The following RBFOX1 variants were observed in gnomAD, a reference collection of about 807,000 sequenced individuals.
RBFOX1 encodes the protein RNA binding protein fox-1 homolog 1.
In RBFOX1, 8 loss-of-function variants were observed where a neutral mutation model predicts 57.7. The observed-to-expected ratio is 0.14, with a 90% CI of 0.08 to 0.25. The LOEUF is 0.25. Among genes scored for constraint, RBFOX1 ranks in the 10% least tolerant of loss-of-function variants. The pLI is 1.00. For synonymous variants in RBFOX1, 326 were observed against 222.4 expected (o/e 1.47, Z -4.15); for missense variants, 611 against 548.5 (o/e 1.11, Z -1.14).
At chr16:6,838,140 C>T (rs1248123549) in intron 3 of RBFOX1, among the ~76,000 whole-genome samples, 3 of 152,060 alleles carry the variant, frequency 2.0e-5, no homozygotes, top group African/African-American at 7.2e-5. Context: ...TAAAGCCCCA[C>T]ATGCATTAAG....
At chr16:5,519,410 C>G (rs1200345037) in intron 2 of RBFOX1, among the ~76,000 whole-genome samples, 1 of 152,162 alleles carries the variant, frequency 6.6e-6, no homozygotes, top group African/African-American at 2.4e-5. Flanking sequence ...GGCAGATATG[C>G]TCACCCATAC....
intron 4 of RBFOX1, among the ~76,000 whole-genome samples, chr16:7,256,286 A>C (rs184517185): frequency 1.2e-4 from 19 of 152,152 alleles, no homozygotes; most frequent in Admixed American, 1.0e-3. Flanking sequence ...TGATGAGGGG[A>C]GAGGTTAAGC....
At chr16:5,253,708 T>C (rs2062513810) in intron 1 of RBFOX1, among the ~76,000 whole-genome samples, 1 of 152,212 alleles carries the variant, frequency 6.6e-6, no homozygotes, top group South Asian at 2.1e-4. Flanking sequence ...TTCTTGCAAG[T>C]CCTGTATGAG....
chr16:6,445,453 G>A (rs1357207128), intron 2 of RBFOX1, among the ~76,000 whole-genome samples: 2 of 151,796 alleles, frequency 1.3e-5, no homozygotes, highest in African/African-American at 4.9e-5. Context: ...AATGTGGTGT[G>A]GTTTAACTCA....
At chr16:7,112,166 C>G (rs1478690782) in intron 4 of RBFOX1, among the ~76,000 whole-genome samples, 1 of 152,128 alleles carries the variant, frequency 6.6e-6, no homozygotes, top group African/African-American at 2.4e-5. Context: ...CAGAATCATA[C>G]AAACTTTGTT....
intron 1 of RBFOX1, among the ~76,000 whole-genome samples, chr16:6,058,348 C>CCCT (rs199657207): frequency 9.2e-5 from 14 of 151,834 alleles, no homozygotes; most frequent in African/African-American, 3.4e-4. Context: ...TCTCCTTCCT[C>CCCT]CCTCTCCTTC....
intron 4 of RBFOX1, among the ~76,000 whole-genome samples, chr16:7,446,267 G>A (rs1455690558): frequency 6.6e-6 from 1 of 152,170 alleles, no homozygotes; most frequent in African/African-American, 2.4e-5. Flanking sequence ...GGATATTTTA[G>A]TTCCTTCTAT....
At chr16:6,655,405 AG>A (rs769951107) in intron 3 of RBFOX1, among the ~76,000 whole-genome samples, 4 of 123,246 alleles carry the variant, frequency 3.2e-5, no homozygotes, top group African/African-American at 1.3e-4. Flanking sequence ...AAAAAAAAAG[AG>A]CTCGCGCTCA....
chr16:7,647,800 A>G (rs2144182475), intron 11 of RBFOX1, among the ~76,000 whole-genome samples: 1 of 152,324 alleles, frequency 6.6e-6, no homozygotes, highest in South Asian at 2.1e-4. Flanking sequence ...TACTGGATCT[A>G]GACTTCTAAG....
chr16:5,539,361 G>C (rs1256955086), intron 2 of RBFOX1, among the ~76,000 whole-genome samples: 2 of 151,952 alleles, frequency 1.3e-5, no homozygotes, highest in East Asian at 3.9e-4. Context: ...GGGAGGCTGA[G>C]GCGGGTGGAT....
intron 4 of RBFOX1, among the ~76,000 whole-genome samples, chr16:7,496,679 C>A (rs2068747819): frequency 8.4e-6 from 1 of 118,796 alleles, no homozygotes; most frequent in African/African-American, 3.3e-5. Context: ...ACAATGTAAA[C>A]CTTAACAAAG....
chr16:6,620,438 T>G (rs1357713690), intron 2 of RBFOX1, among the ~76,000 whole-genome samples: 1 of 152,052 alleles, frequency 6.6e-6, no homozygotes, highest in Non-Finnish European at 1.5e-5. Context: ...TTAAAAGAAC[T>G]GGAGAAACAA....
At chr16:5,743,432 C>G (rs1369442847) in intron 3 of RBFOX1, among the ~76,000 whole-genome samples, 1 of 152,136 alleles carries the variant, frequency 6.6e-6, no homozygotes, top group Non-Finnish European at 1.5e-5. Flanking sequence ...AGGAGTCTTA[C>G]ATTCCCATAA....
At chr16:6,250,056 A>T (rs1008814846) in intron 1 of RBFOX1, among the ~76,000 whole-genome samples, 2 of 152,144 alleles carry the variant, frequency 1.3e-5, no homozygotes, top group East Asian at 3.9e-4. Context: ...ATGTTAAGTT[A>T]GCCCAGGCAC....
At chr16:6,572,268 G>C (rs368068790) in intron 2 of RBFOX1, among the ~76,000 whole-genome samples, 2 of 152,042 alleles carry the variant, frequency 1.3e-5, no homozygotes, top group African/African-American at 4.8e-5. Context: ...AATTCTATAG[G>C]ACATAGAGAA....
intron 1 of RBFOX1, among the ~76,000 whole-genome samples, chr16:6,249,446 C>T (rs1324140425): frequency 6.6e-6 from 1 of 152,154 alleles, no homozygotes; most frequent in Non-Finnish European, 1.5e-5. Context: ...ATAGCTTGAA[C>T]CCGGGAGGCA....
At chr16:5,282,754 A>T (rs959415834) in intron 1 of RBFOX1, among the ~76,000 whole-genome samples, 1 of 152,238 alleles carries the variant, frequency 6.6e-6, no homozygotes, top group Non-Finnish European at 1.5e-5. Flanking sequence ...ACTCAGTTTT[A>T]TAAGGGAAGC....
intron 1 of RBFOX1, among the ~76,000 whole-genome samples, chr16:6,044,338 CAAG>C (rs2095473178): frequency 6.6e-6 from 1 of 152,066 alleles, no homozygotes; most frequent in South Asian, 2.1e-4. Context: ...CGTTCTTAAC[CAAG>C]AAGGTCCTTA....
chr16:6,906,025 G>T (rs1483758014), intron 3 of RBFOX1, among the ~76,000 whole-genome samples: 1 of 152,188 alleles, frequency 6.6e-6, no homozygotes, highest in Admixed American at 6.5e-5. Context: ...CTCTGGTTGG[G>T]CAGAATGCCC....
Sources: allele counts gnomAD v4.1 joint callset (sites outside exome capture counted in the v4.1 genomes callset), GRCh38; gene constraint gnomAD v4.1.1; transcripts MANE v1.5; gene names NCBI Gene and HGNC (gene_info 2026-07-23, HGNC 2026-07-21).